Variants in ZNF804B observed in about 807,000 individuals in gnomAD.
ZNF804B encodes zinc finger protein 804B, also known as zinc finger 804B.
In ZNF804B, 80 loss-of-function variants were observed where a neutral mutation model predicts 101.4. The ratio of observed to expected loss-of-function variants is 0.79; its 90% CI spans 0.66 to 0.95. ZNF804B has a LOEUF of 0.95. Among genes scored for constraint, ZNF804B ranks in the 40% least tolerant of loss-of-function variants. The pLI, the probability that ZNF804B is intolerant of heterozygous loss-of-function variation, is 0.00. For missense variants in ZNF804B, 1,673 were observed against 1,561.9 expected, an observed-to-expected ratio of 1.07 and a Z score of -1.20; for synonymous variants, 622 against 558.8, an observed-to-expected ratio of 1.11 and a Z score of -1.59.
At chr7:88,955,727 G>A (rs1435204457) in intron 1 of ZNF804B, among the ~76,000 whole-genome samples, 3 of 151,298 alleles carry the variant, frequency 2.0e-5, no homozygotes, top group Non-Finnish European at 4.4e-5. Flanking sequence ...AACACAGACA[G>A]CATAAACAAA....
chr7:88,794,976 G>A (rs370603378), intron 1 of ZNF804B: 27 of 1,510,704 alleles, frequency 1.8e-5, no homozygotes, highest in Admixed American at 2.4e-5. Context: ...GATGATTCCA[G>A]CTTTTAGCTT....
chr7:89,192,181 C>T lies in ZNF804B; in HGVS notation c.109-25974C>T, dbSNP rs181636589. Among the ~76,000 whole-genome samples, 223 of 152,186 alleles carry T rather than the reference C, an allele frequency of 1.5e-3. 1 individual carries two copies. The highest frequency in any genetic ancestry group is 1.3e-3 in the Non-Finnish European group (88 of 67,974). On this transcript the variant is annotated intron_variant, in intron 1 of 3. Transcript: ENST00000333190. ...TTTAACCAGTTGTGACAAATGTATG[C>T]ATCCATGCATCACTAAAATCAAGAT... is the stretch of plus-strand genomic sequence containing the variant.
At chr7:88,891,285 T>C (rs968085228) in intron 1 of ZNF804B, among the ~76,000 whole-genome samples, 3 of 152,156 alleles carry the variant, frequency 2.0e-5, no homozygotes, top group African/African-American at 7.2e-5. Flanking sequence ...GTATACACTT[T>C]TGGTATTGCT....
chr7:89,025,557 TA>T (rs869063025), intron 1 of ZNF804B, among the ~76,000 whole-genome samples: 2 of 152,244 alleles, frequency 1.3e-5, no homozygotes, highest in East Asian at 3.9e-4. Context: ...ACTTGTTTTT[TA>T]AAAAACAAAC....
intron 1 of ZNF804B, among the ~76,000 whole-genome samples, chr7:88,838,765 T>G (rs754116471): frequency 5.9e-5 from 9 of 151,926 alleles, no homozygotes; most frequent in Non-Finnish European, 1.3e-4. Context: ...AAATAGAATC[T>G]ATCTTGTAAA....
intron 1 of ZNF804B, among the ~76,000 whole-genome samples, chr7:88,977,367 T>G (rs1793631017): frequency 6.6e-6 from 1 of 151,506 alleles, no homozygotes; most frequent in Admixed American, 6.6e-5. Context: ...AATGAAGCCA[T>G]CAGATCCTGA....
rs184308618 is a variant in ZNF804B at position 89,111,234 on chromosome 7, C to G, written c.109-106921C>G. 4.6e-5 allele frequency among the ~76,000 whole-genome samples: 7 copies of G among 152,244 alleles called. No homozygotes were observed. In the East Asian group the frequency reaches 1.4e-3, roughly 29 times the overall value. On this transcript the variant is annotated intron_variant, in intron 1 of 3. Transcript: ENST00000333190. ...GGACATAAAAGTATTTTTAAACTCA[C>G]CTGGACAAAGATCAAAGAATGAATG... is the stretch of plus-strand genomic sequence containing the variant.
intron 2 of ZNF804B, among the ~76,000 whole-genome samples, chr7:89,288,130 G>A (rs756276134): frequency 3.3e-5 from 5 of 151,952 alleles, no homozygotes; most frequent in Admixed American, 1.3e-4. Flanking sequence ...AGAAAAATAT[G>A]AGTAAAATCT....
chr7:88,916,644 A>G (rs1254021276), intron 1 of ZNF804B, among the ~76,000 whole-genome samples: 1 of 152,166 alleles, frequency 6.6e-6, no homozygotes, highest in Non-Finnish European at 1.5e-5. Flanking sequence ...TTTAATATAT[A>G]CAAGTTAGAT....
intron 1 of ZNF804B, among the ~76,000 whole-genome samples, chr7:89,025,469 A>G (rs901459614): frequency 2.0e-5 from 3 of 152,116 alleles, no homozygotes; most frequent in African/African-American, 7.2e-5. Flanking sequence ...CATATGTTTA[A>G]TGTTTCAAAA....
rs1325287344 is a variant in ZNF804B at position 89,333,855 on chromosome 7, T to C, written c.873T>C (p.Val291=). ...TCTCACCAAGCCATCTGGAAAGTGT[T>C]TTACACAATACCATCTCCATAAACT... ...VNISPSHLES[V]LHNTISINSK... The change falls in exon 4 of 4, where the codon GTT becomes GTC. Residue 291 remains valine, a synonymous_variant. Transcript: ENST00000333190. 6.2e-7 allele frequency: 1 copy of C among 1,613,408 alleles called. No individual in the cohort carries two copies.
intron 1 of ZNF804B, among the ~76,000 whole-genome samples, chr7:89,049,873 A>C (rs1201165277): frequency 6.6e-6 from 1 of 151,994 alleles, no homozygotes; most frequent in Non-Finnish European, 1.5e-5. Context: ...TTAGCCATGC[A>C]TGGTGGCATG....
intron 1 of ZNF804B, among the ~76,000 whole-genome samples, chr7:88,769,412 C>G (rs1790030917): frequency 6.6e-6 from 1 of 152,126 alleles, no homozygotes; most frequent in South Asian, 2.1e-4. Context: ...AATTTAGTGT[C>G]ACTTATCAAT....
At chr7:88,815,575 T>G (rs932324084) in intron 1 of ZNF804B, among the ~76,000 whole-genome samples, 1 of 152,176 alleles carries the variant, frequency 6.6e-6, no homozygotes, top group East Asian at 1.9e-4. Flanking sequence ...CTTTCCCCAC[T>G]TGGTCATGCT....
intron 1 of ZNF804B, among the ~76,000 whole-genome samples, chr7:88,891,627 T>C (rs1380893213): frequency 6.6e-6 from 1 of 152,046 alleles, no homozygotes; most frequent in Non-Finnish European, 1.5e-5. Flanking sequence ...AGTAGATTTT[T>C]TTTTTTTAAC....
At chr7:88,953,736 A>C (rs1793259190) in intron 1 of ZNF804B, among the ~76,000 whole-genome samples, 1 of 151,750 alleles carries the variant, frequency 6.6e-6, no homozygotes, top group Non-Finnish European at 1.5e-5. Context: ...CAAGACAAAG[A>C]GGACCTAGTC....
At chr7:88,835,399 G>A (rs1480403124) in intron 1 of ZNF804B, among the ~76,000 whole-genome samples, 1 of 151,848 alleles carries the variant, frequency 6.6e-6, no homozygotes, top group African/African-American at 2.4e-5. Flanking sequence ...TGTTGGAGGA[G>A]AGATCATTCA....
chr7:88,970,459 TA>T lies in ZNF804B; in HGVS notation c.108+210378del, dbSNP rs1793518379. ...TATATTCCAAACATTTTATAATAAG[TA>T]AACCAGATATTCTAAGATTTCCTTT... On this transcript the variant is annotated intron_variant, in intron 1 of 3. Transcript: ENST00000333190. 6.6e-5 allele frequency among the ~76,000 whole-genome samples: 10 copies of T among 151,512 alleles called. 1 individual carries two copies. The South Asian group carries it at 2.1e-3, about 31-fold the overall frequency.
At chr7:89,121,718 G>A (rs112252341) in intron 1 of ZNF804B, among the ~76,000 whole-genome samples, 3,801 of 152,192 alleles carry the variant, frequency 0.025, 146 homozygotes, top group African/African-American at 0.086. Flanking sequence ...CAGAGGTATA[G>A]AATTAAAGTA....
Sources: gnomAD v4.1 joint callset for allele counts (sites outside exome capture counted in the v4.1 genomes callset) on GRCh38, gnomAD v4.1.1 for gene constraint, MANE v1.5 for transcripts, NCBI Gene and HGNC (gene_info 2026-07-23, HGNC 2026-07-21) for gene names.